RASA2: variants seen among roughly 807,000 people sequenced by gnomAD.
RASA2 encodes the protein ras GTPase-activating protein 2.
Under a neutral mutation model 118.2 loss-of-function variants are expected in RASA2, and 155 were observed. The observed-to-expected ratio is 1.31, with a 90% confidence interval of 1.15 to 1.50. RASA2 has a LOEUF of 1.50. Among genes scored for constraint, RASA2 ranks in the 40% most tolerant of loss-of-function variants. The probability of loss-of-function intolerance (pLI) is 0.00; values close to 1 mark genes in which losing one functional copy is unlikely to be tolerated. For synonymous variants in RASA2, 353 were observed against 349.1 expected (o/e 1.01, Z -0.12); for missense variants, 1,016 against 1,009.6 (o/e 1.01, Z -0.09).
chr3:141,526,845 A>G (rs1016715485), intron 3 of RASA2, among the ~76,000 whole-genome samples: 4 of 152,202 alleles, frequency 2.6e-5, no homozygotes, highest in Non-Finnish European at 4.4e-5. Flanking sequence ...GAAACATTCA[A>G]CTCTTCAGTG....
intron 19 of RASA2, among the ~76,000 whole-genome samples, chr3:141,597,003 C>T (rs1023876484): frequency 2.6e-5 from 4 of 152,158 alleles, no homozygotes; most frequent in Non-Finnish European, 4.4e-5. Context: ...AGTGAATGTT[C>T]AGAGCAGCGT....
At chr3:141,511,340 G>A (rs1019652784) in intron 1 of RASA2, among the ~76,000 whole-genome samples, 11 of 152,080 alleles carry the variant, frequency 7.2e-5, no homozygotes, top group Non-Finnish European at 1.3e-4. Context: ...GGAGGCGTTC[G>A]CATTAACACC....
chr3:141,507,640 C>T (rs1424023119), intron 1 of RASA2, among the ~76,000 whole-genome samples: 1 of 152,202 alleles, frequency 6.6e-6, no homozygotes, highest in Non-Finnish European at 1.5e-5. Context: ...CAAGCCCTGC[C>T]TACCACAACC....
intron 4 of RASA2, among the ~76,000 whole-genome samples, chr3:141,534,386 G>A (rs2082299738): frequency 6.6e-6 from 1 of 152,118 alleles, no homozygotes; most frequent in African/African-American, 2.4e-5. Flanking sequence ...GGGGGAAAAA[G>A]AGTGATTAAA....
intron 4 of RASA2, among the ~76,000 whole-genome samples, chr3:141,533,782 A>G (rs1341635331): frequency 6.6e-6 from 1 of 151,800 alleles, no homozygotes; most frequent in Non-Finnish European, 1.5e-5. Flanking sequence ...TACCTTTTGT[A>G]ATTTTTCCTT....
intron 1 of RASA2, among the ~76,000 whole-genome samples, chr3:141,487,459 T>G (rs1577624338): frequency 7.6e-6 from 1 of 131,714 alleles, no homozygotes. Context: ...GGGCCTGGGG[T>G]GGGAGAGCCC....
chr3:141,571,185 C>T, intron 10 of RASA2, 117 bp downstream of exon 10: 2 of 1,146,006 alleles, frequency 1.7e-6, no homozygotes, highest in South Asian at 1.7e-5. Context: ...AAATTATATA[C>T]ATACATATAT....
intron 23 of RASA2, 62 bp from the exon 24 acceptor site, chr3:141,612,217 ATATT>A: frequency 8.3e-7 from 1 of 1,200,636 alleles, no homozygotes; most frequent in Non-Finnish European, 1.2e-6. Context: ...AATGGATTAT[ATATT>A]TGTCACCCTT....
rs1211778521 is a variant in RASA2, at chr3:141,546,187, A to G, written c.527+5578A>G. ...CCATGAGAGCGCAGATACCTCTTCA[A>G]TATACTGATTCCCTTTCTTTAGTGG... On this transcript the variant is annotated intron_variant, in intron 5 of 23. Transcript: ENST00000286364. 5.3e-5 allele frequency among the ~76,000 whole-genome samples: 8 copies of G among 152,184 alleles called. No homozygotes were observed. In the East Asian group the frequency reaches 1.5e-3, roughly 29 times the overall value.
At chr3:141,536,824 C>T (rs1310137708) in intron 4 of RASA2, among the ~76,000 whole-genome samples, 3 of 150,354 alleles carry the variant, frequency 2.0e-5, no homozygotes, top group Non-Finnish European at 4.4e-5. Context: ...CTCAGTTCAC[C>T]ACAACCTCTG....
Position 141,565,025 on chromosome 3 carries a change from G to A in RASA2, c.863+5030G>A, listed in dbSNP as rs150241544. The stretch of plus-strand genomic sequence containing the variant: ...TTTTGAGATGCAGTCTCTCTCTGTC[G>A]CCCAGGCTGGAGTGCAGTGGTGCAA... On this transcript the variant is annotated intron_variant, in intron 9 of 23. Coordinates refer to ENST00000286364, the MANE Select transcript of RASA2 (RefSeq NM_006506.5). Among the ~76,000 whole-genome samples the A allele has an allele frequency of 1.6e-3, 238 of 151,626 alleles. 7 individuals carry two copies. In the East Asian group the frequency reaches 0.026, roughly 17 times the overall value.
At chr3:141,551,271 G>A (rs1365058437) in intron 5 of RASA2, among the ~76,000 whole-genome samples, 1 of 152,206 alleles carries the variant, frequency 6.6e-6, no homozygotes, top group East Asian at 1.9e-4. Context: ...AAACAGACAA[G>A]CACAGTCTTT....
At chr3:141,561,358 TC>T (rs1208257892) in intron 9 of RASA2, among the ~76,000 whole-genome samples, 4 of 152,220 alleles carry the variant, frequency 2.6e-5, no homozygotes, top group Non-Finnish European at 4.4e-5. Flanking sequence ...AGAGATGCCT[TC>T]CAAATTTGGC....
At position 141,559,906 on chromosome 3, in the gene RASA2, G is replaced by C. The variant is rs759146088; in HGVS notation, c.774G>C (p.Trp258Cys). Residue 258 changes from tryptophan to cysteine, a missense_variant, in exon 9 of 24, where the codon TGG becomes TGC. Trp to Cys is a radical substitution (Grantham distance 215, BLOSUM62 -2). Transcript: ENST00000286364. ...TTTCAATTTTCAGGATCGACTTGTG[G>C]AACAATGGAAACCTAGTCCAAGATG... ...IEKLEIRIDLWNNGNLVQDVF... is the reference protein window; with the variant it reads ...IEKLEIRIDLCNNGNLVQDVF... 1 of 1,612,960 alleles carries C rather than the reference G, an allele frequency of 6.2e-7. No individual in the cohort carries two copies. The highest frequency in any genetic ancestry group is 1.1e-5 in the South Asian group (1 of 91,016).
chr3:141,512,041 A>G, intron 1 of RASA2, 122 bp from the exon 2 acceptor site: 1 of 650,244 alleles, frequency 1.5e-6, no homozygotes, highest in Non-Finnish European at 2.6e-6. Flanking sequence ...TGTAATCACT[A>G]GTGTTTTTTT....
intron 16 of RASA2, 72 bp downstream of exon 16, chr3:141,580,523 G>C: frequency 8.5e-7 from 1 of 1,176,136 alleles, no homozygotes; most frequent in Non-Finnish European, 1.2e-6. Flanking sequence ...CCTTATCCTT[G>C]ACTTACCTTC....
At chr3:141,610,251 A>T (rs1367467437) in intron 23 of RASA2, among the ~76,000 whole-genome samples, 185 bp downstream of exon 23, 1 of 149,204 alleles carries the variant, frequency 6.7e-6, no homozygotes, top group Non-Finnish European at 1.5e-5. Flanking sequence ...CCATCATTTC[A>T]CTGTGTTGGT....
chr3:141,550,552 C>T (rs967731359), intron 5 of RASA2, among the ~76,000 whole-genome samples: 11 of 152,198 alleles, frequency 7.2e-5, no homozygotes, highest in African/African-American at 2.2e-4. Context: ...TTCTACAAAA[C>T]GTTAACATTT....
intron 5 of RASA2, among the ~76,000 whole-genome samples, chr3:141,545,060 G>T (rs2082464239): frequency 6.6e-6 from 1 of 152,164 alleles, no homozygotes; most frequent in Non-Finnish European, 1.5e-5. Flanking sequence ...ATACCTAAGT[G>T]ACAAAATAAT....
Sources: allele counts gnomAD v4.1 joint callset (sites outside exome capture counted in the v4.1 genomes callset), GRCh38; gene constraint gnomAD v4.1.1; transcripts MANE v1.5; gene names NCBI Gene and HGNC (gene_info 2026-07-23, HGNC 2026-07-21).